SLCO1B1: variants seen among roughly 807,000 people sequenced by gnomAD.
SLCO1B1 encodes solute carrier organic anion transporter family member 1B1.
A neutral mutation model predicts 70.1 loss-of-function variants in SLCO1B1; 81 were observed. That is an observed-to-expected ratio of 1.16 (90% CI 0.97 to 1.39). The LOEUF is 1.39. Ranked by LOEUF, SLCO1B1 falls within the 40% of genes most tolerant of loss-of-function variation. The probability of loss-of-function intolerance (pLI) is 0.00; values close to 1 mark genes in which losing one functional copy is unlikely to be tolerated. For missense variants in SLCO1B1, 895 were observed against 799.6 expected (o/e 1.12, Z -1.44); for synonymous variants, 283 against 271.5 (o/e 1.04, Z -0.42).
intron 12 of SLCO1B1, among the ~76,000 whole-genome samples, chr12:21,218,904 T>A (rs1941391477): frequency 2.0e-5 from 3 of 152,338 alleles, no homozygotes. Context: ...AAAATATAAA[T>A]TTCAGTTTGT....
At chr12:21,178,029 T>A (rs900861801) in intron 5 of SLCO1B1, among the ~76,000 whole-genome samples, 1 of 152,168 alleles carries the variant, frequency 6.6e-6, no homozygotes, top group Non-Finnish European at 1.5e-5. Flanking sequence ...GTGTGTAATG[T>A]GATTACAGAT....
At chr12:21,141,321 C>T (rs1940304321) in intron 1 of SLCO1B1, among the ~76,000 whole-genome samples, 193 bp from the exon 2 acceptor site, 1 of 151,758 alleles carries the variant, frequency 6.6e-6, no homozygotes, top group East Asian at 1.9e-4. Flanking sequence ...TTGTAATCTC[C>T]TTAGGCTAGA....
chr12:21,183,779 A>G (rs1319682900), intron 7 of SLCO1B1, among the ~76,000 whole-genome samples: 2 of 152,214 alleles, frequency 1.3e-5, no homozygotes, highest in South Asian at 4.1e-4. Flanking sequence ...CAGACAGGCA[A>G]TTCGGAATCT....
At chr12:21,228,641 T>TCAC (rs1313660021) in intron 14 of SLCO1B1, among the ~76,000 whole-genome samples, 2 of 152,118 alleles carry the variant, frequency 1.3e-5, no homozygotes, top group Non-Finnish European at 2.9e-5. Flanking sequence ...TGAGAAAGAC[T>TCAC]CAGTCTATTG....
chr12:21,162,884 G>A (rs1329773817), intron 2 of SLCO1B1, among the ~76,000 whole-genome samples: 1 of 152,128 alleles, frequency 6.6e-6, no homozygotes, highest in Non-Finnish European at 1.5e-5. Context: ...TTATGCTTGT[G>A]CTCTTTCTGT....
chr12:21,196,963 C>T lies in SLCO1B1; in HGVS notation c.745C>T (p.Pro249Ser). The T allele has an allele frequency of 1.2e-6, 2 of 1,613,422 alleles. No homozygotes were observed. The highest frequency in any genetic ancestry group is 1.7e-6 in the Non-Finnish European group (2 of 1,179,528). ...TATTCTAGGCACTATCAGGATAACT[C>T]CTACTGATTCTCGATGGGTTGGAGC... ...YVDLSTIRIT[P>S]TDSRWVGAWW... The change falls in exon 8 of 15, where the codon CCT (proline) becomes TCT (serine). Residue 249 changes from proline (P) to serine (S), a missense_variant. By Grantham distance (74) the Pro-to-Ser change is moderately conservative (BLOSUM62 -1). Transcript: ENST00000256958.
At chr12:21,187,312 G>A (rs1056604889) in intron 7 of SLCO1B1, among the ~76,000 whole-genome samples, 15 of 152,056 alleles carry the variant, frequency 9.9e-5, no homozygotes, top group Non-Finnish European at 2.9e-5. Flanking sequence ...ACAAAAGGAA[G>A]GTCTGAACAA....
At chr12:21,181,511 T>C (rs1329610176) in intron 7 of SLCO1B1, among the ~76,000 whole-genome samples, 1 of 152,190 alleles carries the variant, frequency 6.6e-6, no homozygotes, top group East Asian at 1.9e-4. Context: ...AAAATAATTA[T>C]TTCTAGGTAG....
chr12:21,135,542 G>A (rs1251947876), intron 1 of SLCO1B1, among the ~76,000 whole-genome samples: 3 of 152,126 alleles, frequency 2.0e-5, no homozygotes, highest in African/African-American at 7.2e-5. Context: ...TATATATTTA[G>A]GATAGTTAGC....
intron 8 of SLCO1B1, 64 bp from the exon 9 acceptor site, chr12:21,200,443 AT>A: frequency 9.0e-7 from 1 of 1,110,578 alleles, no homozygotes; most frequent in East Asian, 2.6e-5. Flanking sequence ...ACGTTCACAA[AT>A]TTTAGATATA....
At chr12:21,132,613 T>C (rs11045781) in intron 1 of SLCO1B1, among the ~76,000 whole-genome samples, 19,846 of 152,298 alleles carry the variant, frequency 0.13, 1,792 homozygotes, top group Middle Eastern at 0.23. Context: ...TTCACGTGTT[T>C]TTTGGCTGCA....
At chr12:21,160,383 A>G (rs977081504) in intron 2 of SLCO1B1, among the ~76,000 whole-genome samples, 13 of 151,960 alleles carry the variant, frequency 8.6e-5, no homozygotes. Context: ...GGGAAAAAAA[A>G]CCCTGTTCAA....
intron 14 of SLCO1B1, among the ~76,000 whole-genome samples, chr12:21,226,144 G>A (rs779350766): frequency 6.6e-6 from 1 of 152,220 alleles, no homozygotes; most frequent in Non-Finnish European, 1.5e-5. Context: ...GCCTGGTGCA[G>A]TGGCCCATGC....
Position 21,183,982 on chromosome 12 carries a change from A to G in SLCO1B1, c.727+4962A>G, listed in dbSNP as rs1364853494. Among the ~76,000 whole-genome samples the G allele has an allele frequency of 2.0e-5, 3 of 152,150 alleles. No homozygotes were observed. The East Asian group carries it at 5.8e-4, about 29-fold the overall frequency. ...CCTTTAGCAACAGAACATACCAAAG[A>G]GAGAAAAGAATCTCAGAGCTTAAAA... On this transcript the variant is annotated intron_variant, in intron 7 of 14. Coordinates refer to ENST00000256958, the MANE Select transcript of SLCO1B1 (RefSeq NM_006446.5).
At chr12:21,199,773 G>A (rs1160535711) in intron 8 of SLCO1B1, among the ~76,000 whole-genome samples, 2 of 151,592 alleles carry the variant, frequency 1.3e-5, no homozygotes, top group African/African-American at 4.9e-5. Flanking sequence ...CTTTTTGTTT[G>A]TTTGTTTTTG....
At chr12:21,197,353 A>G (rs1216314476) in intron 8 of SLCO1B1, among the ~76,000 whole-genome samples, 165 bp downstream of exon 8, 3 of 152,128 alleles carry the variant, frequency 2.0e-5, no homozygotes, top group Non-Finnish European at 1.5e-5. Context: ...AAGTTAACAT[A>G]TATGTCTTGA....
intron 2 of SLCO1B1, among the ~76,000 whole-genome samples, chr12:21,158,173 C>T (rs1940566388): frequency 6.6e-6 from 1 of 152,042 alleles, no homozygotes; most frequent in Non-Finnish European, 1.5e-5. Context: ...ATCCTATGTT[C>T]GTTTTATCCA....
intron 1 of SLCO1B1, among the ~76,000 whole-genome samples, chr12:21,131,959 G>A (rs180935132): frequency 1.3e-5 from 2 of 152,052 alleles, no homozygotes; most frequent in African/African-American, 2.4e-5. Flanking sequence ...TTAACATTGG[G>A]CATATCTCCT....
rs532910453 is a variant in SLCO1B1 at position 21,131,456 on chromosome 12, T to C, written c.-62+220T>C. Among the ~76,000 whole-genome samples the C allele has an allele frequency of 7.9e-5, 12 of 152,176 alleles. No individual in the cohort carries two copies. In the South Asian group the frequency reaches 2.1e-3, roughly 26 times the overall value. The stretch of plus-strand genomic sequence containing the variant: ...AAAATAAAGTAGAGAAAATAATACC[T>C]TTATATATTTAAATATAAAGTTTCA... On this transcript the variant is annotated intron_variant, in intron 1 of 14. Coordinates refer to ENST00000256958, the MANE Select transcript of SLCO1B1 (RefSeq NM_006446.5).
Sources: gnomAD v4.1 joint callset for allele counts (sites outside exome capture counted in the v4.1 genomes callset) on GRCh38, gnomAD v4.1.1 for gene constraint, MANE v1.5 for transcripts, NCBI Gene and HGNC (gene_info 2026-07-23, HGNC 2026-07-21) for gene names.